CC2D2A: variants seen among roughly 807,000 people sequenced by gnomAD.
CC2D2A encodes coiled-coil and C2 domain containing 2A, also known as coiled-coil and C2 domain-containing protein 2A.
CC2D2A carries 155 observed loss-of-function variants against 212.9 expected under a neutral mutation model. That is an observed-to-expected ratio of 0.73 (90% CI 0.64 to 0.83). The LOEUF (loss-of-function observed/expected upper bound fraction) is 0.83, where lower values mean the gene tolerates loss of function less well. CC2D2A is among the 40% of genes least tolerant of loss of function. CC2D2A has a pLI of 0.00. For missense variants in CC2D2A, 1,856 were observed against 1,956.2 expected, an observed-to-expected ratio of 0.95 and a Z score of 0.97; for synonymous variants, 667 against 686.5, an observed-to-expected ratio of 0.97 and a Z score of 0.44.
chr4:15,489,882 G>T (rs1308131777), intron 4 of CC2D2A, among the ~76,000 whole-genome samples: 1 of 152,102 alleles, frequency 6.6e-6, no homozygotes. Flanking sequence ...TGCCTCACTG[G>T]CTGTACCTCT....
chr4:15,553,628 T>C (rs545891522), intron 19 of CC2D2A, among the ~76,000 whole-genome samples: 1 of 152,292 alleles, frequency 6.6e-6, no homozygotes, highest in South Asian at 2.1e-4. Flanking sequence ...ATCACAGTTG[T>C]ATATATTTTG....
intron 9 of CC2D2A, 21 bp downstream of exon 9, chr4:15,514,890 C>A: frequency 6.2e-7 from 1 of 1,610,050 alleles, no homozygotes; most frequent in Non-Finnish European, 8.5e-7. Context: ...TTTTTATTTT[C>A]TTGTTCAGCT....
At chr4:15,512,190 A>G (rs1466788589) in intron 8 of CC2D2A, among the ~76,000 whole-genome samples, 2 of 152,258 alleles carry the variant, frequency 1.3e-5, no homozygotes, top group Non-Finnish European at 2.9e-5. Flanking sequence ...AATATGATCC[A>G]GCAATTCAAT....
chr4:15,533,362 G>A, intron 14 of CC2D2A, 29 bp downstream of exon 14: 1 of 1,464,682 alleles, frequency 6.8e-7, no homozygotes, highest in East Asian at 2.5e-5. Flanking sequence ...TTATTTTATT[G>A]GGCTATATCA....
At position 15,582,960 on chromosome 4, in the gene CC2D2A, A is replaced by G. The variant is rs75567511; in HGVS notation, c.3975+2789A>G. ...CCTCAACAAAATATTGCCAAACAAA[A>G]TTCAATAATATATTAAAAAAATAAT... On this transcript the variant is annotated intron_variant, in intron 30 of 36. Transcript: ENST00000424120. 8.7e-3 allele frequency among the ~76,000 whole-genome samples: 1,320 copies of G among 152,306 alleles called. 16 individuals carry two copies. Among genetic ancestry groups the G allele is most frequent in the African/African-American group, 0.028 (1,155 of 41,552 alleles).
Position 15,550,802 on chromosome 4 carries a change from AT to A in CC2D2A, c.2182-19del, listed in dbSNP as rs747016817. On this transcript the variant is annotated intron_variant, in intron 17 of 36. Transcript: ENST00000424120. ...CACACTACTGCTGTTTTTATTGGCTATTTCTCTTCTCTGGTTTTCAGGTCTA... is the reference window on the plus strand; with the variant it reads ...CACACTACTGCTGTTTTTATTGGCTATTCTCTTCTCTGGTTTTCAGGTCTA... 2.1e-5 allele frequency: 32 copies of A among 1,532,036 alleles called. No individual in the cohort carries two copies. The African/African-American group carries it at 3.3e-4, about 16-fold the overall frequency. The allele number at this position is 1,532,036 out of a possible 1,614,324, so 94.9% of individuals were successfully genotyped here. A position where few individuals can be genotyped will look rare whatever the true frequency, so the allele number is the denominator to read the frequency against.
intron 11 of CC2D2A, among the ~76,000 whole-genome samples, chr4:15,518,580 T>C (rs1379075913): frequency 6.6e-6 from 1 of 152,154 alleles, no homozygotes; most frequent in Non-Finnish European, 1.5e-5. Flanking sequence ...CACATTTCCC[T>C]TCTGCACTGC....
At chr4:15,504,954 A>T (rs937861826) in intron 6 of CC2D2A, among the ~76,000 whole-genome samples, 3 of 152,170 alleles carry the variant, frequency 2.0e-5, no homozygotes, top group Admixed American at 2.0e-4. Flanking sequence ...AAGGCTGCCG[A>T]CCTCACTCAC....
chr4:15,516,654 G>T lies in CC2D2A; in HGVS notation c.1047G>T (p.Arg349Ser). The T allele has an allele frequency of 1.2e-6, 2 of 1,612,914 alleles. No individual in the cohort carries two copies. Among genetic ancestry groups the T allele is most frequent in the Non-Finnish European group, 1.7e-6 (2 of 1,179,262 alleles). The stretch of plus-strand genomic sequence containing the variant: ...GAAGATGGTTTGGAGATGACGGCAG[G>T]ATCCTAGCTCTGCCAAACCCCATCA... ...PERRWFGDDG[R>S]ILALPNPIKP... Residue 349 changes from arginine to serine, a missense_variant, in exon 11 of 37, where the codon AGG becomes AGT. By Grantham distance (110) the Arg-to-Ser change is moderately radical. Around this residue, in one of 5 missense-constraint regions of CC2D2A, gnomAD observed 1,512 missense variants for 1,579.3 expected, o/e 0.96. Coordinates refer to ENST00000424120, the MANE Select transcript of CC2D2A (RefSeq NM_001378615.1).
At chr4:15,551,736 C>G (rs1719018394) in intron 18 of CC2D2A, among the ~76,000 whole-genome samples, 1 of 152,010 alleles carries the variant, frequency 6.6e-6, no homozygotes, top group Non-Finnish European at 1.5e-5. Context: ...TTAAAATATT[C>G]TTAAATATTA....
intron 1 of CC2D2A, among the ~76,000 whole-genome samples, chr4:15,470,637 C>A (rs1713673374): frequency 6.9e-6 from 1 of 144,284 alleles, no homozygotes; most frequent in African/African-American, 2.6e-5. Flanking sequence ...ATAAATTCAG[C>A]ACCAGCATGA....
chr4:15,550,684 A>G (rs760251678), intron 17 of CC2D2A, 140 bp from the exon 18 acceptor site: 56 of 517,078 alleles, frequency 1.1e-4, no homozygotes, highest in Non-Finnish European at 1.7e-4. Context: ...ATAGTAACAC[A>G]ACTCAACTTT....
intron 6 of CC2D2A, 63 bp downstream of exon 6, chr4:15,502,986 A>C: frequency 7.5e-7 from 1 of 1,326,142 alleles, no homozygotes; most frequent in East Asian, 2.5e-5. Flanking sequence ...AGTTTCCAGC[A>C]AAAGTTTTTA....
intron 13 of CC2D2A, among the ~76,000 whole-genome samples, chr4:15,531,634 T>C (rs1306857579): frequency 6.6e-6 from 1 of 152,118 alleles, no homozygotes; most frequent in Admixed American, 6.6e-5. Context: ...CTAATCAAAA[T>C]TGCCTTTCCC....
chr4:15,584,592 A>AT (rs1292469776), intron 30 of CC2D2A, among the ~76,000 whole-genome samples: 4 of 152,040 alleles, frequency 2.6e-5, no homozygotes, highest in Non-Finnish European at 4.4e-5. Context: ...TTTGGAGGGG[A>AT]TTTTTTTTAG....
At chr4:15,555,017 G>C in intron 19 of CC2D2A, 55 bp from the exon 20 acceptor site, 1 of 1,561,922 alleles carries the variant, frequency 6.4e-7, no homozygotes, top group African/African-American at 1.3e-5. Context: ...TTGAGGTCCT[G>C]ATGCAAACTG....
intron 4 of CC2D2A, among the ~76,000 whole-genome samples, chr4:15,500,252 C>T (rs758352898): frequency 1.3e-5 from 2 of 151,924 alleles, no homozygotes; most frequent in Non-Finnish European, 2.9e-5. Flanking sequence ...ACATATGCTC[C>T]ATTATAATCC....
Position 15,532,764 on chromosome 4 carries a change from G to A in CC2D2A, c.1467-429G>A, listed in dbSNP as rs1220660542. On this transcript the variant is annotated intron_variant, in intron 13 of 36. Transcript: ENST00000424120. ...TGAATATTGAAAATCTCCAAGGCAT[G>A]CAATAACAATACTTCATCTCCTCAG... 2.0e-5 allele frequency among the ~76,000 whole-genome samples: 3 copies of A among 152,202 alleles called. No homozygotes were observed. The East Asian group carries it at 5.8e-4, about 29-fold the overall frequency.
chr4:15,508,116 G>T (rs1577334077), intron 6 of CC2D2A, among the ~76,000 whole-genome samples: 1 of 152,180 alleles, frequency 6.6e-6, no homozygotes, highest in African/African-American at 2.4e-5. Context: ...ACCACCTGGG[G>T]GACAGAAGCC....
Sources: gnomAD v4.1 joint callset for allele counts (sites outside exome capture counted in the v4.1 genomes callset) on GRCh38, gnomAD v4.1.1 for gene constraint, gnomAD v4.1.1 regional missense constraint, MANE v1.5 for transcripts, NCBI Gene and HGNC (gene_info 2026-07-23, HGNC 2026-07-21) for gene names.